CDK5RAP1: variants seen among roughly 807,000 people sequenced by gnomAD.
CDK5RAP1 encodes the protein CDK5RAP1 mitochondrial tRNA methylthiotransferase.
In CDK5RAP1, 62 loss-of-function variants were observed where a neutral mutation model predicts 64.5. The ratio of observed to expected loss-of-function variants is 0.96; its 90% CI spans 0.78 to 1.19. The LOEUF is 1.19. Among genes scored for constraint, CDK5RAP1 ranks in the 50% most tolerant of loss-of-function variants. The probability of loss-of-function intolerance (pLI) is 0.00; values close to 1 mark genes in which losing one functional copy is unlikely to be tolerated. For synonymous variants in CDK5RAP1, 250 were observed against 261.9 expected (o/e 0.95, Z 0.44); for missense variants, 657 against 735.0 (o/e 0.89, Z 1.23).
intron 12 of CDK5RAP1, among the ~76,000 whole-genome samples, chr20:33,366,315 T>A (rs1380012584): frequency 5.2e-5 from 5 of 96,838 alleles, no homozygotes; most frequent in African/African-American, 8.4e-5. Flanking sequence ...TGAGACTCCA[T>A]CTCAAAAAAA....
At chr20:33,374,093 C>T in intron 9 of CDK5RAP1, 22 bp downstream of exon 9, 2 of 1,536,888 alleles carry the variant, frequency 1.3e-6, no homozygotes, top group Non-Finnish European at 1.8e-6. Context: ...TGAGGGATGC[C>T]CCCTCTCCAA....
chr20:33,378,595 T>C (rs959093980), intron 8 of CDK5RAP1, among the ~76,000 whole-genome samples: 2 of 152,132 alleles, frequency 1.3e-5, no homozygotes, highest in Non-Finnish European at 2.9e-5. Context: ...CAGAGTGCAA[T>C]AAAACAAGGT....
chr20:33,401,399 C>CTT, intron 1 of CDK5RAP1, 29 bp downstream of exon 1: 1 of 985,498 alleles, frequency 1.0e-6, no homozygotes. Flanking sequence ...AGCGGGTGCG[C>CTT]AGCCCACCCC....
chr20:33,372,430 T>A (rs1427834717), intron 10 of CDK5RAP1, among the ~76,000 whole-genome samples: 1 of 152,040 alleles, frequency 6.6e-6, no homozygotes, highest in Non-Finnish European at 1.5e-5. Context: ...CACAAGGTGA[T>A]CCACACCTAA....
At chr20:33,385,484 T>C (rs1987304836) in intron 7 of CDK5RAP1, 166 bp downstream of exon 7, 2 of 676,460 alleles carry the variant, frequency 3.0e-6, no homozygotes, top group Non-Finnish European at 4.9e-6. Flanking sequence ...TGGAGCTCTG[T>C]AATTTGTGGG....
At chr20:33,396,716 G>A (rs760356745) in intron 2 of CDK5RAP1, 45 bp downstream of exon 2, 4 of 1,378,620 alleles carry the variant, frequency 2.9e-6, no homozygotes, top group Non-Finnish European at 4.1e-6. Context: ...ATGACAGAGA[G>A]GAGCAAGGCA....
intron 12 of CDK5RAP1, among the ~76,000 whole-genome samples, chr20:33,362,870 C>G (rs1387357427): frequency 6.6e-6 from 1 of 152,114 alleles, no homozygotes; most frequent in Non-Finnish European, 1.5e-5. Context: ...ATCAAAGACA[C>G]AGAAAGGAGT....
chr20:33,374,147 T>C lies in CDK5RAP1; in HGVS notation c.1173A>G (p.Gly391=). The C allele has an allele frequency of 2.5e-6, 4 of 1,614,036 alleles. No homozygotes were observed. Among genetic ancestry groups the C allele is most frequent in the Non-Finnish European group, 3.4e-6 (4 of 1,179,892 alleles). ...GCATGGCCTCCAACACACGGCTGCT[T>C]CCACTCTGGGCTGGCAGGTGGATCT... ...CKQIHLPAQS[G]SSRVLEAMRR... Residue 391 remains glycine (G), a synonymous_variant, in exon 9 of 14, where the codon GGA becomes GGG. Coordinates refer to ENST00000346416, the MANE Select transcript of CDK5RAP1 (RefSeq NM_016408.4).
intron 10 of CDK5RAP1, among the ~76,000 whole-genome samples, chr20:33,372,222 G>A (rs1167059923): frequency 6.8e-6 from 1 of 147,462 alleles, no homozygotes; most frequent in Non-Finnish European, 1.5e-5. Flanking sequence ...GTCAAATGTG[G>A]TATAAAATAT....
chr20:33,364,219 C>T (rs1262236247), intron 12 of CDK5RAP1, among the ~76,000 whole-genome samples: 6 of 138,158 alleles, frequency 4.3e-5, no homozygotes, highest in Admixed American at 1.5e-4. Context: ...GATGGAGTCT[C>T]GCTGTGTGAC....
chr20:33,371,698 G>A (rs536807647), intron 10 of CDK5RAP1, among the ~76,000 whole-genome samples: 2 of 152,126 alleles, frequency 1.3e-5, no homozygotes, highest in African/African-American at 4.8e-5. Context: ...CACAAGAATC[G>A]CTTGAACCTG....
At chr20:33,391,597 G>A (rs988490272) in intron 5 of CDK5RAP1, among the ~76,000 whole-genome samples, 50 of 152,174 alleles carry the variant, frequency 3.3e-4, no homozygotes, top group Non-Finnish European at 5.4e-4. Flanking sequence ...TGAGGCAGGC[G>A]GATCACCCGA....
intron 11 of CDK5RAP1, among the ~76,000 whole-genome samples, chr20:33,368,111 GC>G (rs1984322577): frequency 6.6e-6 from 1 of 152,166 alleles, no homozygotes; most frequent in Non-Finnish European, 1.5e-5. Context: ...CAAGACATTT[GC>G]CCAATGTCAC....
Position 33,377,424 on chromosome 20 carries a change from ATGGCT to A in CDK5RAP1, c.1107+2032_1107+2036del, listed in dbSNP as rs558178224. Reference sequence around the variant, plus strand: ...CCCCTTGCACTTTGATGTTAGAGAGATGGCTTCTTTCCTCAAACCTTGTAAGTCAA... The same window carrying A: ...CCCCTTGCACTTTGATGTTAGAGAGATCTTTCCTCAAACCTTGTAAGTCAA... On this transcript the variant is annotated intron_variant, in intron 8 of 13. Transcript: ENST00000346416. 9.9e-5 allele frequency among the ~76,000 whole-genome samples: 15 copies of A among 152,276 alleles called. No homozygotes were observed. The South Asian group carries it at 3.1e-3, about 32-fold the overall frequency.
At chr20:33,390,232 C>T (rs1385688834) in intron 5 of CDK5RAP1, among the ~76,000 whole-genome samples, 1 of 151,570 alleles carries the variant, frequency 6.6e-6, no homozygotes, top group South Asian at 2.1e-4. Flanking sequence ...CATGATCACG[C>T]CACTGCACTC....
At chr20:33,384,103 C>T (rs1021608611) in intron 7 of CDK5RAP1, among the ~76,000 whole-genome samples, 5 of 151,926 alleles carry the variant, frequency 3.3e-5, no homozygotes, top group Non-Finnish European at 7.4e-5. Context: ...AATGAATAAA[C>T]GGACATTCTG....
intron 7 of CDK5RAP1, 107 bp from the exon 8 acceptor site, chr20:33,379,798 A>G: frequency 1.2e-6 from 1 of 832,976 alleles, no homozygotes; most frequent in Non-Finnish European, 1.9e-6. Context: ...TTTAAACAAA[A>G]GAAAAATCGA....
intron 1 of CDK5RAP1, among the ~76,000 whole-genome samples, chr20:33,397,908 C>G (rs967346585): frequency 6.6e-6 from 1 of 152,118 alleles, no homozygotes; most frequent in African/African-American, 2.4e-5. Context: ...AGGAGAATCA[C>G]TGGAACCCAG....
At chr20:33,375,863 T>C (rs931951256) in intron 8 of CDK5RAP1, among the ~76,000 whole-genome samples, 26 of 152,296 alleles carry the variant, frequency 1.7e-4, no homozygotes, top group African/African-American at 5.8e-4. Context: ...ATTATATTTA[T>C]ATTTTTTAAA....
Sources: allele counts gnomAD v4.1 joint callset (sites outside exome capture counted in the v4.1 genomes callset), GRCh38; gene constraint gnomAD v4.1.1; transcripts MANE v1.5; gene names NCBI Gene and HGNC (gene_info 2026-07-23, HGNC 2026-07-21).